The following STXBP6 variants were observed in gnomAD, a reference collection of about 807,000 sequenced individuals.
STXBP6 encodes the protein syntaxin binding protein 6, also known as syntaxin-binding protein 6.
Under a neutral mutation model 26.9 loss-of-function variants are expected in STXBP6, and 21 were observed. The ratio of observed to expected loss-of-function variants is 0.78; its 90% confidence interval spans 0.55 to 1.12. The LOEUF (loss-of-function observed/expected upper bound fraction) is 1.12, where lower values mean the gene tolerates loss of function less well. STXBP6 is among the 50% of genes most tolerant of loss of function. The probability of loss-of-function intolerance (pLI) is 0.00; values close to 1 mark genes in which losing one functional copy is unlikely to be tolerated. For missense variants in STXBP6, 232 were observed against 257.9 expected (o/e 0.90, Z 0.69); for synonymous variants, 97 against 92.6 (o/e 1.05, Z -0.27).
At chr14:24,830,110 G>A (rs1418765117) in intron 4 of STXBP6, among the ~76,000 whole-genome samples, 1 of 152,042 alleles carries the variant, frequency 6.6e-6, no homozygotes, top group Non-Finnish European at 1.5e-5. Context: ...AAAGACCACT[G>A]GTGTGGCCAT....
At chr14:24,832,530 T>C (rs1359312035) in intron 4 of STXBP6, among the ~76,000 whole-genome samples, 2 of 152,190 alleles carry the variant, frequency 1.3e-5, no homozygotes, top group African/African-American at 4.8e-5. Flanking sequence ...TCCCAATGGG[T>C]ATCATGACTA....
chr14:24,939,439 T>G (rs959720497), intron 2 of STXBP6, among the ~76,000 whole-genome samples: 1 of 151,806 alleles, frequency 6.6e-6, no homozygotes, highest in African/African-American at 2.4e-5. Context: ...ACATAACATT[T>G]TTTCAAGTAA....
chr14:24,868,232 G>A (rs1039154543), intron 2 of STXBP6, among the ~76,000 whole-genome samples: 6 of 151,990 alleles, frequency 3.9e-5, no homozygotes, highest in African/African-American at 1.2e-4. Flanking sequence ...CTTGTATCAA[G>A]AATATACATT....
chr14:24,869,425 C>T (rs1595002981), intron 2 of STXBP6, among the ~76,000 whole-genome samples: 1 of 152,182 alleles, frequency 6.6e-6, no homozygotes, highest in African/African-American at 2.4e-5. Context: ...GCCTATGAAT[C>T]ATTCCCGAAA....
intron 1 of STXBP6, among the ~76,000 whole-genome samples, chr14:25,018,236 C>T (rs1265866754): frequency 6.6e-6 from 1 of 152,134 alleles, no homozygotes; most frequent in Non-Finnish European, 1.5e-5. Context: ...TTCTGACTTG[C>T]CTGCAACTGA....
At chr14:24,815,526 G>A (rs10133078) in intron 5 of STXBP6, 2 of 150,408 alleles carry the variant, frequency 1.3e-5, no homozygotes, top group African/African-American at 4.9e-5. Context: ...CCTGTGCTCC[G>A]AAGACCCAGA....
chr14:25,009,574 CAA>C (rs2074984514), intron 1 of STXBP6, among the ~76,000 whole-genome samples: 1 of 152,158 alleles, frequency 6.6e-6, no homozygotes, highest in South Asian at 2.1e-4. Flanking sequence ...CCCAGTCCGA[CAA>C]AGTGAGGAGC....
At chr14:25,048,909 A>C (rs138127749) in intron 1 of STXBP6, 2,013 of 154,068 alleles carry the variant, frequency 0.013, 30 homozygotes, top group Non-Finnish European at 0.018. Flanking sequence ...GGTCGCCCGG[A>C]AGGCAATCTT....
At chr14:24,961,136 G>A (rs1343575351) in intron 2 of STXBP6, among the ~76,000 whole-genome samples, 1 of 152,050 alleles carries the variant, frequency 6.6e-6, no homozygotes, top group African/African-American at 2.4e-5. Context: ...ATATACTATG[G>A]TATATTATGC....
At chr14:24,929,113 A>G (rs1252513070) in intron 2 of STXBP6, among the ~76,000 whole-genome samples, 1 of 152,220 alleles carries the variant, frequency 6.6e-6, no homozygotes, top group Non-Finnish European at 1.5e-5. Flanking sequence ...AAAAAAATCT[A>G]CTTTTCACAA....
intron 2 of STXBP6, among the ~76,000 whole-genome samples, chr14:24,918,948 A>G (rs2071875721): frequency 6.6e-6 from 1 of 152,090 alleles, no homozygotes; most frequent in African/African-American, 2.4e-5. Flanking sequence ...TCAAGTTCCC[A>G]TACTGGGAAG....
At chr14:24,860,428 G>A (rs753678167) in intron 2 of STXBP6, among the ~76,000 whole-genome samples, 4 of 152,026 alleles carry the variant, frequency 2.6e-5, no homozygotes, top group Non-Finnish European at 5.9e-5. Context: ...CTCATATACC[G>A]CCAAGATTCA....
At chr14:24,815,561 T>C (rs1490289748) in intron 5 of STXBP6, 1 of 151,796 alleles carries the variant, frequency 6.6e-6, no homozygotes, top group Non-Finnish European at 1.5e-5. Context: ...GTAGTAAGGA[T>C]AGAGGCAGCC....
chr14:24,928,280 G>C (rs1224641381), intron 2 of STXBP6, among the ~76,000 whole-genome samples: 1 of 152,082 alleles, frequency 6.6e-6, no homozygotes, highest in Non-Finnish European at 1.5e-5. Flanking sequence ...CTGAAAAGTG[G>C]GAGAGAATAT....
intron 2 of STXBP6, among the ~76,000 whole-genome samples, chr14:24,921,047 A>G (rs141163226): frequency 1.6e-4 from 24 of 152,262 alleles, no homozygotes; most frequent in Admixed American, 1.6e-3. Flanking sequence ...GGGATCAGAG[A>G]CCTAGTTTAA....
Position 24,842,101 on chromosome 14 carries a change from A to G in STXBP6, c.451+13835T>C, listed in dbSNP as rs560410122. On this transcript the variant is annotated intron_variant, in intron 4 of 5. Coordinates refer to ENST00000323944, the MANE Select transcript of STXBP6 (RefSeq NM_001394410.1). ...GTCTGAGGCTCTTGTTCTGGGTAACATGTGGGATATGGCAGAGTCAGTCCC... is the reference window on the plus strand; with the variant it reads ...GTCTGAGGCTCTTGTTCTGGGTAACGTGTGGGATATGGCAGAGTCAGTCCC... Among the ~76,000 whole-genome samples the G allele has an allele frequency of 1.9e-4, 29 of 152,298 alleles. 1 individual carries two copies. The South Asian group carries it at 5.6e-3, about 29-fold the overall frequency.
intron 2 of STXBP6, among the ~76,000 whole-genome samples, chr14:24,858,232 T>C (rs950112869): frequency 6.6e-6 from 1 of 152,068 alleles, no homozygotes. Flanking sequence ...CCAATCACAG[T>C]TGGTGAGCAG....
intron 2 of STXBP6, among the ~76,000 whole-genome samples, chr14:24,933,835 AG>A (rs199677898): frequency 4.6e-5 from 7 of 152,302 alleles, no homozygotes; most frequent in African/African-American, 1.4e-4. Context: ...TTATTAAAAA[AG>A]AAACCTAAAA....
chr14:24,868,251 C>A (rs995232729), intron 2 of STXBP6, among the ~76,000 whole-genome samples: 4 of 151,990 alleles, frequency 2.6e-5, no homozygotes, highest in Non-Finnish European at 4.4e-5. Context: ...TTTAGAAACT[C>A]TCAAAACTCA....
Sources: gnomAD v4.1 joint callset for allele counts (sites outside exome capture counted in the v4.1 genomes callset) on GRCh38, gnomAD v4.1.1 for gene constraint, MANE v1.5 for transcripts, NCBI Gene and HGNC (gene_info 2026-07-23, HGNC 2026-07-21) for gene names.